CDH18: variants seen among roughly 807,000 people sequenced by gnomAD.
The protein encoded by CDH18 is cadherin 18, also known as cadherin-18.
Under a neutral mutation model 67.9 loss-of-function variants are expected in CDH18, and 31 were observed. The observed-to-expected ratio is 0.46, with a 90% CI of 0.34 to 0.62. The LOEUF (loss-of-function observed/expected upper bound fraction) is 0.62, where lower values mean the gene tolerates loss of function less well. Ranked by LOEUF, CDH18 falls within the 20% of genes least tolerant of loss-of-function variation. The probability of loss-of-function intolerance (pLI) is 0.01; values close to 1 mark genes in which losing one functional copy is unlikely to be tolerated. For synonymous variants in CDH18, 362 were observed against 347.2 expected (o/e 1.04, Z -0.48); for missense variants, 890 against 975.5 (o/e 0.91, Z 1.17).
chr5:19,660,575 T>C lies in CDH18; in HGVS notation c.644-47974A>G, dbSNP rs549984331. ...TGGTTGTGCTTAAATGTGTAATAAA[T>C]TGCATATACATTTCGGGCTGTACTA... On this transcript the variant is annotated intron_variant, in intron 5 of 12. Transcript: ENST00000382275. 2.6e-5 allele frequency among the ~76,000 whole-genome samples: 4 copies of C among 152,266 alleles called. No individual in the cohort carries two copies. The South Asian group carries it at 8.3e-4, about 32-fold the overall frequency.
chr5:20,021,931 G>T (rs1738460408), intron 2 of CDH18, among the ~76,000 whole-genome samples: 1 of 152,106 alleles, frequency 6.6e-6, no homozygotes. Context: ...GATAATATTT[G>T]CTTAATAAAA....
intron 1 of CDH18, among the ~76,000 whole-genome samples, chr5:20,477,348 G>A (rs1752509559): frequency 6.6e-6 from 1 of 152,148 alleles, no homozygotes; most frequent in South Asian, 2.1e-4. Flanking sequence ...GGCAATAACA[G>A]TACCTGGTTT....
chr5:20,198,551 A>G lies in CDH18; in HGVS notation c.-518+56893T>C, dbSNP rs1423044941. 6.6e-5 allele frequency among the ~76,000 whole-genome samples: 10 copies of G among 152,182 alleles called. 1 individual carries two copies. The highest frequency in any genetic ancestry group is 6.5e-4 in the Admixed American group (10 of 15,276). On this transcript the variant is annotated intron_variant, in intron 2 of 14. Transcript: ENST00000507958. ...AAGCATTCAAGAGGTGACAGAGAATAAAAGTTTGAAAAATTTGCAGCCTGA... is the reference window on the plus strand; with the variant it reads ...AAGCATTCAAGAGGTGACAGAGAATGAAAGTTTGAAAAATTTGCAGCCTGA...
chr5:19,663,454 T>C (rs1222275776), intron 5 of CDH18, among the ~76,000 whole-genome samples: 1 of 152,004 alleles, frequency 6.6e-6, no homozygotes, highest in Non-Finnish European at 1.5e-5. Context: ...AGTGTCTGTA[T>C]ACATACATCT....
chr5:20,524,901 G>T (rs1196329129), intron 1 of CDH18, among the ~76,000 whole-genome samples: 1 of 152,146 alleles, frequency 6.6e-6, no homozygotes. Flanking sequence ...CCACAGGAAT[G>T]ATAAGAAGAA....
At chr5:19,867,141 C>A (rs1227509136) in intron 2 of CDH18, among the ~76,000 whole-genome samples, 1 of 152,046 alleles carries the variant, frequency 6.6e-6, no homozygotes, top group African/African-American at 2.4e-5. Context: ...TCACCTCCTG[C>A]AAAGAAAATA....
chr5:19,626,433 C>T (rs1751554927), intron 5 of CDH18, among the ~76,000 whole-genome samples: 1 of 152,058 alleles, frequency 6.6e-6, no homozygotes, highest in South Asian at 2.1e-4. Flanking sequence ...AGAGGTTAAC[C>T]AAGTGTGAGA....
At chr5:19,721,870 G>C (rs1425405720) in intron 4 of CDH18, among the ~76,000 whole-genome samples, 1 of 152,144 alleles carries the variant, frequency 6.6e-6, no homozygotes. Flanking sequence ...TGACTGTTCT[G>C]AAAACTGGAG....
chr5:19,861,210 G>T (rs1271467403), intron 2 of CDH18, among the ~76,000 whole-genome samples: 3 of 152,126 alleles, frequency 2.0e-5, no homozygotes, highest in African/African-American at 7.2e-5. Context: ...ATTGGACAGA[G>T]AGAATATTTA....
intron 3 of CDH18, among the ~76,000 whole-genome samples, chr5:19,755,987 C>A (rs1385288476): frequency 6.6e-6 from 1 of 152,162 alleles, no homozygotes; most frequent in Non-Finnish European, 1.5e-5. Flanking sequence ...ATCCTTCAAT[C>A]CAATCAAGTT....
upstream of CDH18, among the ~76,000 whole-genome samples, chr5:19,989,688 T>C (rs557666067): frequency 2.4e-4 from 37 of 152,332 alleles, no homozygotes; most frequent in African/African-American, 7.7e-4. Flanking sequence ...GGAAGTTTCT[T>C]GGGTCTGAGA....
chr5:19,880,126 G>A (rs1292014677), intron 2 of CDH18, among the ~76,000 whole-genome samples: 1 of 151,808 alleles, frequency 6.6e-6, no homozygotes, highest in Non-Finnish European at 1.5e-5. Flanking sequence ...AAATCATCAT[G>A]TTCAGGTAAA....
intron 1 of CDH18, among the ~76,000 whole-genome samples, chr5:20,461,141 C>G (rs1374903681): frequency 6.6e-6 from 1 of 152,154 alleles, no homozygotes; most frequent in Non-Finnish European, 1.5e-5. Context: ...TGTCTGACAG[C>G]CACACGCTTG....
intron 3 of CDH18, among the ~76,000 whole-genome samples, chr5:19,808,832 C>CAAAAAAAAAAAAAAAAAA (rs1173922790): frequency 1.9e-5 from 1 of 53,936 alleles, no homozygotes; most frequent in Non-Finnish European, 3.2e-5. Context: ...AACTCTGTCT[C>CAAAAAAAAAAAAAAAAAA]AAAAAAAAAA....
At chr5:19,544,176 T>C (rs1440495424) in intron 8 of CDH18, among the ~76,000 whole-genome samples, 171 bp from the exon 9 acceptor site, 3 of 152,164 alleles carry the variant, frequency 2.0e-5, no homozygotes, top group Non-Finnish European at 2.9e-5. Context: ...ATTATTCTTA[T>C]CCATCAGTCT....
intron 7 of CDH18, among the ~76,000 whole-genome samples, chr5:19,585,206 CTTTG>C (rs1383708911): frequency 6.6e-6 from 1 of 151,790 alleles, no homozygotes; most frequent in Admixed American, 6.6e-5. Context: ...ATAATTTTAC[CTTTG>C]TTTTTCAGAC....
At chr5:19,604,239 A>C (rs1288717788) in intron 6 of CDH18, among the ~76,000 whole-genome samples, 1 of 152,054 alleles carries the variant, frequency 6.6e-6, no homozygotes, top group East Asian at 1.9e-4. Flanking sequence ...TTTGTCATTT[A>C]CTTGAATAAG....
Position 20,003,912 on chromosome 5 carries a change from A to G in CDH18, c.-517-11898T>C, listed in dbSNP as rs138012135. ...ACTCCGTCTCAAAAAACAAACAAAC[A>G]AACAAAAACAAACAAACAAAAAACA... On this transcript the variant is annotated intron_variant, in intron 2 of 14. Transcript: ENST00000507958. 6.7e-3 allele frequency among the ~76,000 whole-genome samples: 1,016 copies of G among 152,306 alleles called. 8 individuals are homozygous for G. Among genetic ancestry groups the G allele is most frequent in the Non-Finnish European group, 7.5e-3 (513 of 68,022 alleles).
Position 19,700,567 on chromosome 5 carries a change from A to G in CDH18, c.643+20780T>C, listed in dbSNP as rs369603676. ...TTCATGCACAGTTTCTATACAGAGA[A>G]GGATTGTGAGCAGAAAGCACTCTCT... is the stretch of plus-strand genomic sequence containing the variant. On this transcript the variant is annotated intron_variant, in intron 5 of 12. Coordinates refer to ENST00000382275, the MANE Select transcript of CDH18 (RefSeq NM_004934.5). Among the ~76,000 whole-genome samples the G allele has an allele frequency of 4.2e-4, 64 of 152,268 alleles. No homozygotes were observed. In the South Asian group the frequency reaches 0.012, roughly 30 times the overall value.
Sources: allele counts gnomAD v4.1 joint callset (sites outside exome capture counted in the v4.1 genomes callset), GRCh38; gene constraint gnomAD v4.1.1; transcripts MANE v1.5; gene names NCBI Gene and HGNC (gene_info 2026-07-23, HGNC 2026-07-21).